The following ADAR variants were observed in gnomAD, a reference collection of about 807,000 sequenced individuals.
ADAR encodes double-stranded RNA-specific adenosine deaminase.
A neutral mutation model predicts 113.2 loss-of-function variants in ADAR; 41 were observed. The ratio of observed to expected loss-of-function variants is 0.36; its 90% CI spans 0.28 to 0.47. The LOEUF (loss-of-function observed/expected upper bound fraction) is 0.47, where lower values mean the gene tolerates loss of function less well. Among genes scored for constraint, ADAR ranks in the 20% least tolerant of loss-of-function variants. The pLI is 1.00. For missense variants in ADAR, 1,242 were observed against 1,540.9 expected (o/e 0.81, Z 3.25); for synonymous variants, 605 against 572.6 (o/e 1.06, Z -0.81).
upstream of ADAR, among the ~76,000 whole-genome samples, chr1:154,609,291 G>C (rs1389758): frequency 0.99 from 150,868 of 152,374 alleles, 74,704 homozygotes; most frequent in East Asian, 1. Context: ...TCTAACTGCT[G>C]GATTTTTGTT....
chr1:154,601,998 C>A lies in ADAR; in HGVS notation c.644G>T (p.Gly215Val), dbSNP rs139492641. The A allele has an allele frequency of 6.2e-7, 1 of 1,614,182 alleles. No individual in the cohort carries two copies. The change falls in exon 2 of 15, where the codon GGT becomes GTT. Residue 215 changes from glycine to valine, a missense_variant. Around this residue, in one of 2 missense-constraint regions of ADAR, gnomAD observed 462 missense variants for 483.1 expected, o/e 0.96. Coordinates refer to ENST00000368474, the MANE Select transcript of ADAR (RefSeq NM_001111.5). This position sits in a 1 kb window ranked among gnomAD's most constrained non-coding sequence, Gnocchi z 4.7. ...NQHSGVVRPD[G>V]HSQGAPNSDP... The stretch of plus-strand genomic sequence containing the variant: ...TGAGTTTGGGGCTCCTTGGCTATGA[C>A]CGTCTGGTCTTACCACTCCGCTGTG...
intron 6 of ADAR, among the ~76,000 whole-genome samples, chr1:154,590,964 C>G (rs1372282620): frequency 6.6e-6 from 1 of 151,700 alleles, no homozygotes; most frequent in African/African-American, 2.4e-5. Context: ...CTAAAATAAA[C>G]AAACAGACTC....
At position 154,602,301 on chromosome 1, in the gene ADAR, C is replaced by G; in HGVS notation, c.341G>C (p.Arg114Pro). The G allele has an allele frequency of 6.2e-7, 1 of 1,613,814 alleles. No homozygotes were observed. Among genetic ancestry groups the G allele is most frequent in the Non-Finnish European group, 8.5e-7 (1 of 1,179,840 alleles). Residue 114 changes from arginine to proline, a missense_variant, in exon 2 of 15, where the codon CGT (arginine) becomes CCT (proline). Physicochemically the swap from Arg to Pro is moderately radical, Grantham distance 103. Transcript: ENST00000368474. ...ACCTCTCTGTGGCAGACTCCTGCCA[C>G]GTGGTGAAGGATGCTGGAACCCTCT... ...LQRGFQHPSP[R>P]GRSLPQRGVD...
intron 9 of ADAR, among the ~76,000 whole-genome samples, chr1:154,588,940 G>A (rs931286055): frequency 1.3e-5 from 2 of 152,210 alleles, no homozygotes; most frequent in African/African-American, 4.8e-5. Flanking sequence ...AAGGACTACA[G>A]GAAGCTGTTG....
At chr1:154,607,406 T>C (rs1180311053) in intron 1 of ADAR, among the ~76,000 whole-genome samples, 1 of 152,196 alleles carries the variant, frequency 6.6e-6, no homozygotes, top group African/African-American at 2.4e-5. Context: ...GTTAACAAGC[T>C]TTCTCCTACA....
At chr1:154,623,585 G>C (rs997939359) in intron 1 of ADAR, among the ~76,000 whole-genome samples, 1 of 152,156 alleles carries the variant, frequency 6.6e-6, no homozygotes, top group Admixed American at 6.5e-5. Flanking sequence ...CTATGATGTA[G>C]ACCTCTCCAA....
At chr1:154,612,452 C>T (rs899325295), upstream of ADAR, among the ~76,000 whole-genome samples, 14 of 151,348 alleles carry the variant, frequency 9.3e-5, no homozygotes, top group African/African-American at 2.2e-4. Flanking sequence ...CTCAGCCTCC[C>T]GAGTGGCTGG....
At chr1:154,586,114 G>A in intron 12 of ADAR, 67 bp downstream of exon 12, 37 of 1,585,116 alleles carry the variant, frequency 2.3e-5, no homozygotes, top group Non-Finnish European at 3.1e-5. Context: ...TGGCAATAAA[G>A]CATGCAGTTT....
chr1:154,601,970 G>A lies in ADAR; in HGVS notation c.672C>T (p.Asp224=), dbSNP rs1697910502. The stretch of plus-strand genomic sequence containing the variant: ...TTCTGTCTTCCGGTTCCAAACTCGG[G>A]TCTGAGTTTGGGGCTCCTTGGCTAT... The part of the protein sequence containing the change: ...DGHSQGAPNS[D]PSLEPEDRNS... Residue 224 remains aspartate (D), a synonymous_variant, in exon 2 of 15, where the codon GAC becomes GAT. Coordinates refer to ENST00000368474, the MANE Select transcript of ADAR (RefSeq NM_001111.5). The surrounding 1 kb of genome is among the most constrained non-coding windows in gnomAD (Gnocchi z 4.7). 6.2e-7 allele frequency: 1 copy of A among 1,613,998 alleles called. No homozygotes were observed.
chr1:154,591,610 TG>T (rs1275750490), intron 6 of ADAR, among the ~76,000 whole-genome samples: 1 of 152,182 alleles, frequency 6.6e-6, no homozygotes, highest in Admixed American at 6.5e-5. Context: ...CAAAACAGCT[TG>T]GAAATGTACC....
chr1:154,594,477 G>T (rs903324), intron 6 of ADAR, among the ~76,000 whole-genome samples: 150,869 of 152,350 alleles, frequency 0.99, 74,715 homozygotes, highest in East Asian at 1. Flanking sequence ...AAAACATGCC[G>T]GTTGCATGGC....
chr1:154,612,320 T>TG (rs1174430091), upstream of ADAR, among the ~76,000 whole-genome samples: 1 of 73,448 alleles, frequency 1.4e-5, no homozygotes, highest in Non-Finnish European at 2.6e-5. Flanking sequence ...ATTACTCAGT[T>TG]TTTTTTTTTT....
At chr1:154,593,157 CAGAAA>C (rs1353261155) in intron 6 of ADAR, among the ~76,000 whole-genome samples, 2 of 69,216 alleles carry the variant, frequency 2.9e-5, no homozygotes, top group Admixed American at 1.5e-4. Context: ...AAAAAAAAAA[CAGAAA>C]AGAAGTCATA....
intron 9 of ADAR, among the ~76,000 whole-genome samples, chr1:154,589,030 G>C (rs772155372): frequency 2.0e-5 from 3 of 152,258 alleles, no homozygotes; most frequent in Non-Finnish European, 2.9e-5. Context: ...TCAAGGTTGT[G>C]TAGGTCCTCA....
At chr1:154,617,578 T>A (rs1366691354) in intron 1 of ADAR, among the ~76,000 whole-genome samples, 2 of 152,168 alleles carry the variant, frequency 1.3e-5, no homozygotes, top group African/African-American at 4.8e-5. Context: ...AATGGAACAG[T>A]TAGACACTAC....
chr1:154,622,053 AG>A (rs1163909122), intron 1 of ADAR, among the ~76,000 whole-genome samples: 3 of 152,110 alleles, frequency 2.0e-5, no homozygotes, highest in Non-Finnish European at 2.9e-5. Context: ...TGTGCTCTGC[AG>A]GGGCCTGAGG....
chr1:154,608,492 CTT>C (rs67463447), upstream of ADAR, among the ~76,000 whole-genome samples: 29 of 65,766 alleles, frequency 4.4e-4, no homozygotes, highest in African/African-American at 6.3e-4. Flanking sequence ...TCACTCCTGG[CTT>C]TTTTTTTTTT....
At chr1:154,622,518 TA>T (rs1698817686) in intron 1 of ADAR, among the ~76,000 whole-genome samples, 1 of 152,160 alleles carries the variant, frequency 6.6e-6, no homozygotes, top group Admixed American at 6.5e-5. Flanking sequence ...GTTTTAAAAA[TA>T]AATACTCCAA....
intron 1 of ADAR, among the ~76,000 whole-genome samples, chr1:154,615,613 T>C (rs1301013806): frequency 6.6e-6 from 1 of 151,818 alleles, no homozygotes; most frequent in Non-Finnish European, 1.5e-5. Context: ...AGGGCCGCAC[T>C]ATGTTGCCCA....
Sources: gnomAD v4.1 joint callset for allele counts (sites outside exome capture counted in the v4.1 genomes callset) on GRCh38, gnomAD v4.1.1 for gene constraint, gnomAD v4.1.1 regional missense constraint, Gnocchi (gnomAD v3.1) non-coding constraint, MANE v1.5 for transcripts, NCBI Gene and HGNC (gene_info 2026-07-23, HGNC 2026-07-21) for gene names.